Variants in ZBTB20 observed in about 807,000 individuals in gnomAD.
The protein encoded by ZBTB20 is zinc finger and BTB domain-containing protein 20.
ZBTB20 carries 9 observed loss-of-function variants against 56.9 expected under a neutral mutation model. The ratio of observed to expected loss-of-function variants is 0.16; its 90% CI spans 0.10 to 0.28. The LOEUF (loss-of-function observed/expected upper bound fraction) is 0.28, where lower values mean the gene tolerates loss of function less well. Among genes scored for constraint, ZBTB20 ranks in the 10% least tolerant of loss-of-function variants. The pLI, the probability that ZBTB20 is intolerant of heterozygous loss-of-function variation, is 1.00. For synonymous variants in ZBTB20, 417 were observed against 420.7 expected (o/e 0.99, Z 0.11); for missense variants, 655 against 1,003.0 (o/e 0.65, Z 4.69).
chr3:114,671,326 C>T (rs1040160744), intron 6 of ZBTB20, among the ~76,000 whole-genome samples: 1 of 152,046 alleles, frequency 6.6e-6, no homozygotes, highest in Non-Finnish European at 1.5e-5. Flanking sequence ...GCGCAGCCCC[C>T]CTTCCAAGGT....
chr3:114,462,573 C>T (rs1285036806), intron 7 of ZBTB20, among the ~76,000 whole-genome samples: 1 of 152,088 alleles, frequency 6.6e-6, no homozygotes, highest in Non-Finnish European at 1.5e-5. Context: ...TAAGAAGCTC[C>T]AGGGAGCTCG....
chr3:114,605,005 A>G (rs908225160), intron 6 of ZBTB20, among the ~76,000 whole-genome samples: 17 of 152,034 alleles, frequency 1.1e-4, no homozygotes, highest in African/African-American at 4.1e-4. Flanking sequence ...AAATCTATTT[A>G]TTAATTATAT....
chr3:114,788,681 A>C (rs2070727793), intron 5 of ZBTB20, among the ~76,000 whole-genome samples: 1 of 152,152 alleles, frequency 6.6e-6, no homozygotes, highest in Admixed American at 6.6e-5. Context: ...ACTCTTTAGG[A>C]ATATAGGACA....
intron 7 of ZBTB20, among the ~76,000 whole-genome samples, chr3:114,491,581 A>G (rs1464492243): frequency 6.6e-6 from 1 of 151,934 alleles, no homozygotes; most frequent in Non-Finnish European, 1.5e-5. Context: ...CCCTCCTTCC[A>G]TCTCTCCACT....
chr3:115,057,252 G>T (rs541794302), intron 2 of ZBTB20, among the ~76,000 whole-genome samples: 1 of 151,722 alleles, frequency 6.6e-6, no homozygotes, highest in African/African-American at 2.4e-5. Context: ...TCTGTCCCAT[G>T]TGTTCTTTAT....
intron 6 of ZBTB20, among the ~76,000 whole-genome samples, chr3:114,583,921 T>C (rs2107506624): frequency 6.6e-6 from 1 of 152,312 alleles, no homozygotes; most frequent in African/African-American, 2.4e-5. Context: ...TAGGCCGAGC[T>C]CTGCCACAAT....
In ZBTB20 at chr3:115,000,360, A is replaced by G. The variant is rs143221912; in HGVS notation, c.-506-25944T>C. 4.9e-3 allele frequency among the ~76,000 whole-genome samples: 745 copies of G among 151,766 alleles called. 8 individuals carry two copies. The highest frequency in any genetic ancestry group is 0.017 in the African/African-American group (709 of 41,508). ...GACTATTTCTTTTATAAAATTAAAT[A>G]TTTTGTATTCTCCCACCCCACCGCT... On this transcript the variant is annotated intron_variant, in intron 2 of 11. Coordinates refer to ENST00000675478, the MANE Select transcript of ZBTB20 (RefSeq NM_001348800.3).
At chr3:114,641,000 C>T (rs2059529112) in intron 6 of ZBTB20, among the ~76,000 whole-genome samples, 1 of 151,926 alleles carries the variant, frequency 6.6e-6, no homozygotes, top group Non-Finnish European at 1.5e-5. Context: ...TCTAATTCTA[C>T]TATTTACTCG....
chr3:114,539,443 C>A (rs531372658), intron 6 of ZBTB20, among the ~76,000 whole-genome samples: 1 of 152,208 alleles, frequency 6.6e-6, no homozygotes, highest in South Asian at 2.1e-4. Context: ...TCCACATACA[C>A]AGCTCTTATT....
chr3:114,974,131 A>G (rs1487920028), intron 3 of ZBTB20, among the ~76,000 whole-genome samples: 1 of 151,982 alleles, frequency 6.6e-6, no homozygotes, highest in Non-Finnish European at 1.5e-5. Context: ...CAAGAGTTAG[A>G]GCAACACCTA....
Position 114,324,517 on chromosome 3 carries a change from C to T in ZBTB20, c.*14488G>A, listed in dbSNP as rs906790716. Reference sequence around the variant, plus strand: ...CTATTCTTTTTTTTTTCTGACTACACATAAATACAGATATACATACACATA... The same window carrying T: ...CTATTCTTTTTTTTTTCTGACTACATATAAATACAGATATACATACACATA... On this transcript the variant is annotated 3_prime_UTR_variant, in exon 12 of 12. Coordinates refer to ENST00000675478, the MANE Select transcript of ZBTB20 (RefSeq NM_001348800.3). 35 of 151,834 alleles carry T rather than the reference C, an allele frequency of 2.3e-4. No individual in the cohort carries two copies. The highest frequency in any genetic ancestry group is 8.0e-4 in the African/African-American group (33 of 41,324). The allele number at this position is 151,834 out of a possible 1,614,324, so 9.4% of individuals were successfully genotyped here.
intron 3 of ZBTB20, among the ~76,000 whole-genome samples, chr3:114,946,083 T>C (rs1007528576): frequency 4.1e-5 from 6 of 145,646 alleles, no homozygotes; most frequent in Non-Finnish European, 5.9e-5. Context: ...TTTTGACATA[T>C]TTCTCTCAGT....
At chr3:114,829,785 G>A (rs1167331349) in intron 4 of ZBTB20, among the ~76,000 whole-genome samples, 1 of 151,834 alleles carries the variant, frequency 6.6e-6, no homozygotes, top group Non-Finnish European at 1.5e-5. Context: ...GTCTTACTCA[G>A]AGTCCCCAGT....
chr3:114,775,093 C>T (rs375701864), intron 5 of ZBTB20, among the ~76,000 whole-genome samples: 3 of 152,110 alleles, frequency 2.0e-5, no homozygotes, highest in East Asian at 3.9e-4. Flanking sequence ...ATATTACACT[C>T]GCTCTATTAA....
intron 6 of ZBTB20, among the ~76,000 whole-genome samples, chr3:114,572,030 G>A (rs1278719260): frequency 6.6e-6 from 1 of 152,178 alleles, no homozygotes; most frequent in African/African-American, 2.4e-5. Context: ...TAGGCATGAT[G>A]TTATTTGACA....
At chr3:114,769,593 AT>A in intron 5 of ZBTB20, among the ~76,000 whole-genome samples, 1 of 108,124 alleles carries the variant, frequency 9.2e-6, no homozygotes, top group African/African-American at 3.1e-5. Flanking sequence ...ATATATATAT[AT>A]ATAATGGAAT....
intron 7 of ZBTB20, among the ~76,000 whole-genome samples, chr3:114,484,798 A>AGAGTGTGTGT (rs1553726432): frequency 2.1e-4 from 32 of 150,494 alleles, no homozygotes; most frequent in African/African-American, 7.1e-4. Flanking sequence ...ATATCAATAG[A>AGAGTGTGTGT]GTGTGTGTGT....
chr3:114,555,253 G>A (rs79963221), intron 6 of ZBTB20, among the ~76,000 whole-genome samples: 1,897 of 152,156 alleles, frequency 0.012, 36 homozygotes, highest in African/African-American at 0.042. Context: ...TGACAATCAC[G>A]TTGCAACTCA....
chr3:114,845,808 CTTATA>C (rs2074671723), intron 4 of ZBTB20, among the ~76,000 whole-genome samples: 1 of 152,092 alleles, frequency 6.6e-6, no homozygotes. Context: ...CAAATACATT[CTTATA>C]TTATGCGAAA....
Sources: allele counts gnomAD v4.1 joint callset (sites outside exome capture counted in the v4.1 genomes callset), GRCh38; gene constraint gnomAD v4.1.1; transcripts MANE v1.5; gene names NCBI Gene and HGNC (gene_info 2026-07-23, HGNC 2026-07-21).